Variants in BBOX1 observed in about 807,000 individuals in gnomAD.
BBOX1 encodes gamma-butyrobetaine dioxygenase.
BBOX1 carries 35 observed loss-of-function variants against 41.6 expected under a neutral mutation model. That is an observed-to-expected ratio of 0.84 (90% CI 0.64 to 1.11). BBOX1 has a LOEUF of 1.11. BBOX1 is among the 50% of genes most tolerant of loss of function. The pLI is 0.00. For synonymous variants in BBOX1, 163 were observed against 154.7 expected (o/e 1.05, Z -0.40); for missense variants, 458 against 460.6 (o/e 0.99, Z 0.05).
At chr11:27,126,233 A>T (rs2134119799) in intron 8 of BBOX1, among the ~76,000 whole-genome samples, 1 of 152,338 alleles carries the variant, frequency 6.6e-6, no homozygotes, top group Non-Finnish European at 1.5e-5. Context: ...GGCATCTACA[A>T]TAAAAGGTGT....
intron 5 of BBOX1, among the ~76,000 whole-genome samples, chr11:27,108,856 G>A (rs1858955029): frequency 6.6e-6 from 1 of 152,014 alleles, no homozygotes; most frequent in Non-Finnish European, 1.5e-5. Flanking sequence ...TGTGAGAAGA[G>A]ATTATAGATT....
At chr11:27,125,629 T>A (rs1383080242) in intron 7 of BBOX1, 25 bp from the exon 8 acceptor site, 43 of 1,461,978 alleles carry the variant, frequency 2.9e-5, no homozygotes, top group Non-Finnish European at 3.9e-5. Context: ...GAATTATATA[T>A]TAATTTTTTC....
intron 2 of BBOX1, among the ~76,000 whole-genome samples, chr11:27,044,715 G>C (rs1590159133): frequency 6.6e-6 from 1 of 152,038 alleles, no homozygotes. Context: ...GCTTGTTTTT[G>C]TCAGGTTTGT....
chr11:27,080,967 T>C (rs1048977940), intron 4 of BBOX1, among the ~76,000 whole-genome samples: 1 of 152,152 alleles, frequency 6.6e-6, no homozygotes. Context: ...ATTTTACAGC[T>C]CCGTAGGTTG....
intron 4 of BBOX1, among the ~76,000 whole-genome samples, chr11:27,076,873 C>T (rs896259087): frequency 6.6e-6 from 1 of 152,094 alleles, no homozygotes; most frequent in African/African-American, 2.4e-5. Flanking sequence ...CAATAAGCCC[C>T]ACTCAGCTCC....
intron 4 of BBOX1, among the ~76,000 whole-genome samples, chr11:27,090,216 C>T (rs570164619): frequency 2.6e-4 from 40 of 152,004 alleles, no homozygotes; most frequent in African/African-American, 8.7e-4. Context: ...GGGGAAACTG[C>T]CCCCAATATT....
At chr11:27,072,480 A>G (rs888160234) in intron 4 of BBOX1, among the ~76,000 whole-genome samples, 1 of 152,206 alleles carries the variant, frequency 6.6e-6, no homozygotes, top group African/African-American at 2.4e-5. Context: ...CAATATCGTG[A>G]AAATGGCCAT....
chr11:27,070,916 C>T (rs145405268), intron 4 of BBOX1, among the ~76,000 whole-genome samples: 1 of 152,026 alleles, frequency 6.6e-6, no homozygotes, highest in African/African-American at 2.4e-5. Context: ...TGCACATCAA[C>T]CTTTTGTTTC....
intron 5 of BBOX1, among the ~76,000 whole-genome samples, chr11:27,099,901 C>A (rs1023639943): frequency 6.6e-6 from 1 of 152,090 alleles, no homozygotes; most frequent in Non-Finnish European, 1.5e-5. Context: ...TCCTTGCAGG[C>A]AGGCTTCATT....
intron 4 of BBOX1, among the ~76,000 whole-genome samples, chr11:27,091,046 G>T (rs1291472268): frequency 6.6e-6 from 1 of 151,896 alleles, no homozygotes; most frequent in African/African-American, 2.4e-5. Flanking sequence ...TATATCCTCA[G>T]CTTATGAAGA....
chr11:27,116,955 GA>G, intron 6 of BBOX1, among the ~76,000 whole-genome samples: 1 of 151,978 alleles, frequency 6.6e-6, no homozygotes, highest in Non-Finnish European at 1.5e-5. Flanking sequence ...GTCAAGGAGG[GA>G]AATGCTCAGT....
At chr11:27,064,160 T>C (rs750913007) in intron 4 of BBOX1, among the ~76,000 whole-genome samples, 13 of 152,152 alleles carry the variant, frequency 8.5e-5, no homozygotes, top group African/African-American at 4.8e-5. Context: ...GTTTCACTAT[T>C]GTTTGGTAAT....
rs551757011 is a variant in BBOX1, at chr11:27,056,682, C to G, written c.220-519C>G. Among the ~76,000 whole-genome samples, 13 of 152,288 alleles carry G rather than the reference C, an allele frequency of 8.5e-5. No homozygotes were observed. In the South Asian group the frequency reaches 1.9e-3, roughly 22 times the overall value. ...CAAGAACTGTAGATCTATCCATGCT[C>G]TATTTCTTGAGTGCTATTTAAGGGC... On this transcript the variant is annotated intron_variant, in intron 3 of 8. Coordinates refer to ENST00000263182, the MANE Select transcript of BBOX1 (RefSeq NM_003986.3).
At chr11:27,099,904 G>A (rs1858586012) in intron 5 of BBOX1, among the ~76,000 whole-genome samples, 1 of 152,068 alleles carries the variant, frequency 6.6e-6, no homozygotes, top group South Asian at 2.1e-4. Context: ...TTGCAGGCAG[G>A]CTTCATTGGA....
chr11:27,124,701 T>G (rs978498537), intron 7 of BBOX1, among the ~76,000 whole-genome samples: 1 of 152,094 alleles, frequency 6.6e-6, no homozygotes, highest in Non-Finnish European at 1.5e-5. Flanking sequence ...TCTGTACTTT[T>G]AATAGAGACA....
chr11:27,069,754 G>A (rs1416314752), intron 4 of BBOX1, among the ~76,000 whole-genome samples: 2 of 151,790 alleles, frequency 1.3e-5, no homozygotes, highest in African/African-American at 2.4e-5. Flanking sequence ...TATGATGTTG[G>A]CTGATGGTTT....
chr11:27,112,855 C>T (rs1332289023), intron 5 of BBOX1, among the ~76,000 whole-genome samples: 2 of 151,892 alleles, frequency 1.3e-5, no homozygotes, highest in African/African-American at 4.8e-5. Flanking sequence ...AAACTAACAA[C>T]AAAGTGAACA....
chr11:27,126,895 A>C (rs570929919), intron 8 of BBOX1, among the ~76,000 whole-genome samples: 19 of 152,144 alleles, frequency 1.2e-4, no homozygotes, highest in East Asian at 5.8e-4. Flanking sequence ...AGGATGGTCT[A>C]GATCTGCTGA....
intron 5 of BBOX1, among the ~76,000 whole-genome samples, chr11:27,108,605 T>C (rs1057499585): frequency 6.6e-6 from 1 of 152,060 alleles, no homozygotes; most frequent in South Asian, 2.1e-4. Flanking sequence ...TGCAATATAA[T>C]GGATTGTCTG....
Sources: allele counts gnomAD v4.1 joint callset (sites outside exome capture counted in the v4.1 genomes callset), GRCh38; gene constraint gnomAD v4.1.1; transcripts MANE v1.5; gene names NCBI Gene and HGNC (gene_info 2026-07-23, HGNC 2026-07-21).